The following MUC5B variants were observed in gnomAD, a reference collection of about 807,000 sequenced individuals.
The protein encoded by MUC5B is mucin 5B, oligomeric mucus/gel-forming.
A neutral mutation model predicts 376.9 loss-of-function variants in MUC5B; 116 were observed. The observed-to-expected ratio is 0.31, with a 90% CI of 0.26 to 0.36. The LOEUF (loss-of-function observed/expected upper bound fraction) is 0.36, where lower values mean the gene tolerates loss of function less well. Among genes scored for constraint, MUC5B ranks in the 10% least tolerant of loss-of-function variants. MUC5B has a pLI of 1.00. For synonymous variants in MUC5B, 3,517 were observed against 3,390.9 expected (o/e 1.04, Z -1.29); for missense variants, 7,165 against 7,769.9 (o/e 0.92, Z 2.93).
chr11:1,237,198 G>A, intron 25 of MUC5B, 34 bp downstream of exon 25: 1 of 1,376,184 alleles, frequency 7.3e-7, no homozygotes, highest in South Asian at 1.9e-5. Flanking sequence ...AGGGTCTGGT[G>A]GGGATGGCAG....
rs775393709 is a variant in MUC5B, at chr11:1,234,220, T to C, written c.2393T>C (p.Met798Thr). ...CTGTCCCCAGGGTGTGCAGCCCCCA[T>C]GGTGTACCTGGACTGCAGCAACAGC... ...LQKSTGCAAP[M>T]VYLDCSNSSA... The change falls in exon 20 of 49, where the codon ATG becomes ACG. Residue 798 changes from methionine (M) to threonine (T), a missense_variant. This residue lies in a region of MUC5B where 530 missense variants were observed against 604.0 expected (regional missense o/e 0.88). Coordinates refer to ENST00000529681, the MANE Select transcript of MUC5B (RefSeq NM_002458.3). The surrounding 1 kb of genome is among the most constrained non-coding windows in gnomAD (Gnocchi z 6.3). 1 of 1,604,498 alleles carries C rather than the reference T, an allele frequency of 6.2e-7. No individual in the cohort carries two copies. Among genetic ancestry groups the C allele is most frequent in the East Asian group, 2.2e-5 (1 of 44,710 alleles).
chr11:1,234,812 G>T lies in MUC5B; in HGVS notation c.2630+132G>T. On this transcript the variant is annotated intron_variant, in intron 21 of 48. Transcript: ENST00000529681. The surrounding 1 kb of genome is among the most constrained non-coding windows in gnomAD (Gnocchi z 6.3). ...GGCCAGCTGGCCAGGGTGAGGTGGG[G>T]CCGTGGCAGGAGAGAGAGTTGCTAG... 1.7e-6 allele frequency: 2 copies of T among 1,145,748 alleles called. No individual in the cohort carries two copies. The highest frequency in any genetic ancestry group is 2.6e-5 in the East Asian group (1 of 38,404). The allele number at this position is 1,145,748 out of a possible 1,614,324, so 71.0% of individuals were successfully genotyped here.
Position 1,261,706 on chromosome 11 carries a change from G to A in MUC5B, c.*98G>A. The A allele has an allele frequency of 8.1e-7, 1 of 1,237,584 alleles. No homozygotes were observed. The highest frequency in any genetic ancestry group is 1.1e-6 in the Non-Finnish European group (1 of 873,006). 76.7% of individuals were successfully genotyped at this position (1,237,584 alleles called of 1,614,324 possible). On this transcript the variant is annotated 3_prime_UTR_variant, in exon 49 of 49. Transcript: ENST00000529681. Reference sequence around the variant, plus strand: ...TGGGCCTCCTCTGCGGAGCCCCCCGGCCTGTGTGTGGCACCCCGCGCTCCG... The same window carrying A: ...TGGGCCTCCTCTGCGGAGCCCCCCGACCTGTGTGTGGCACCCCGCGCTCCG...
At position 1,225,753 on chromosome 11, in the gene MUC5B, C is replaced by T. The variant is rs373802855; in HGVS notation, c.127+16C>T. The stretch of plus-strand genomic sequence containing the variant: ...ATGGATGGCGGTATGTGGCCAGGTT[C>T]GGGGGTGGGGGGTTCCTGACCAGGC... On this transcript the variant is annotated intron_variant, in intron 2 of 48. Transcript: ENST00000529681. 1,787 of 1,596,840 alleles carry T rather than the reference C, an allele frequency of 1.1e-3. 5 individuals carry two copies. Among genetic ancestry groups the T allele is most frequent in the Non-Finnish European group, 1.3e-3 (1,578 of 1,171,812 alleles).
At position 1,252,813 on chromosome 11, in the gene MUC5B, A is replaced by G; in HGVS notation, c.15050A>G (p.Asn5017Ser). 1 of 1,607,044 alleles carries G rather than the reference A, an allele frequency of 6.2e-7. No individual in the cohort carries two copies. The highest frequency in any genetic ancestry group is 8.5e-7 in the Non-Finnish European group (1 of 1,177,444). Residue 5017 changes from asparagine (N) to serine (S), a missense_variant, in exon 33 of 49, where the codon AAT becomes AGT. Asn to Ser is a conservative substitution (Grantham distance 46). This residue lies in a region of MUC5B where 842 missense variants were observed against 1,016.9 expected (regional missense o/e 0.83). Transcript: ENST00000529681. ...CGTGCATGTTCCCTGCCCCAGGTGA[A>G]TGAGACCTGGACCCTGGAGAACTGC... ...CDNAIPLRQV[N>S]ETWTLENCTV...
chr11:1,262,135 C>T lies in MUC5B; in HGVS notation c.*527C>T. ...CATCCCAAAGCCCCCTCTGCTCAAC[C>T]CAGCCCAGTTTTGCAAATAAACCCT... On this transcript the variant is annotated 3_prime_UTR_variant, in exon 49 of 49. Coordinates refer to ENST00000529681, the MANE Select transcript of MUC5B (RefSeq NM_002458.3). The T allele has an allele frequency of 2.0e-6, 1 of 501,078 alleles. No individual in the cohort carries two copies. The highest frequency in any genetic ancestry group is 1.5e-5 in the South Asian group (1 of 68,820). 31.0% of individuals were successfully genotyped at this position (501,078 alleles called of 1,614,324 possible). A position where few individuals can be genotyped will look rare whatever the true frequency, so the allele number is the denominator to read the frequency against.
At position 1,258,415 on chromosome 11, in the gene MUC5B, G is replaced by A; in HGVS notation, c.16593+48G>A. 2 of 1,602,790 alleles carry A rather than the reference G, an allele frequency of 1.2e-6. No homozygotes were observed. Among genetic ancestry groups the A allele is most frequent in the African/African-American group, 1.3e-5 (1 of 74,828 alleles). On this transcript the variant is annotated intron_variant, in intron 43 of 48. Coordinates refer to ENST00000529681, the MANE Select transcript of MUC5B (RefSeq NM_002458.3). The surrounding 1 kb of genome is among the most constrained non-coding windows in gnomAD (Gnocchi z 5.5). ...GTGTGGCCCTGGGGCCTGAACATGT[G>A]TGTGGGATGCCCCGGGGCTCTCTGA...
In MUC5B at chr11:1,242,008, C is replaced by A. The variant is rs371074019; in HGVS notation, c.5128C>A (p.Arg1710Ser). The change falls in exon 31 of 49, where the codon CGC becomes AGC. Residue 1710 changes from arginine (R) to serine (S), a missense_variant. This residue lies in a region of MUC5B where 897 missense variants were observed against 779.6 expected (regional missense o/e 1.15). Coordinates refer to ENST00000529681, the MANE Select transcript of MUC5B (RefSeq NM_002458.3). Reference protein sequence around the residue: ...PGTTGSLGTWRPSQPPTLAPT... With the variant: ...PGTTGSLGTWSPSQPPTLAPT... ...GACGACGGGGAGCTTGGGCACATGG[C>A]GCCCCTCACAGCCACCCACGCTGGC... 1.3e-6 allele frequency: 2 copies of A among 1,586,570 alleles called. No homozygotes were observed. Among genetic ancestry groups the A allele is most frequent in the Non-Finnish European group, 1.7e-6 (2 of 1,167,320 alleles).
In MUC5B at chr11:1,257,801, G is replaced by A. The variant is rs1264363673; in HGVS notation, c.16450+91G>A. The A allele has an allele frequency of 5.7e-6, 8 of 1,409,140 alleles. No individual in the cohort carries two copies. The highest frequency in any genetic ancestry group is 6.6e-6 in the Non-Finnish European group (7 of 1,057,404). The allele number at this position is 1,409,140 out of a possible 1,614,324, so 87.3% of individuals were successfully genotyped here. On this transcript the variant is annotated intron_variant, in intron 41 of 48. Transcript: ENST00000529681. This position sits in a 1 kb window ranked among gnomAD's most constrained non-coding sequence, Gnocchi z 8.9. ...GGGCCTGTGGGTTGGGCACAGGAGA[G>A]CAGAGGAGAGCCACTGTGTCCTGGC...
chr11:1,249,135 C>T lies in MUC5B; in HGVS notation c.12255C>T (p.Thr4085=). 6.2e-7 allele frequency: 1 copy of T among 1,611,350 alleles called. No individual in the cohort carries two copies. The highest frequency in any genetic ancestry group is 1.1e-5 in the South Asian group (1 of 90,956). ...AGTCACCCCCTTCCCCAGGGACGACCACCCCGGGCCACACCACGGCCACCT... is the reference window on the plus strand; with the variant it reads ...AGTCACCCCCTTCCCCAGGGACGACTACCCCGGGCCACACCACGGCCACCT... The part of the protein sequence containing the change: ...TTESPPSPGT[T]TPGHTTATSR... Residue 4085 remains threonine (T), a synonymous_variant, in exon 31 of 49, where the codon ACC becomes ACT. Coordinates refer to ENST00000529681, the MANE Select transcript of MUC5B (RefSeq NM_002458.3).
Position 1,248,796 on chromosome 11 carries a change from C to T in MUC5B, c.11916C>T (p.Ile3972=), listed in dbSNP as rs1398843479. 3 of 1,548,946 alleles carry T rather than the reference C, an allele frequency of 1.9e-6. No homozygotes were observed. The highest frequency in any genetic ancestry group is 1.2e-5 in the South Asian group (1 of 84,004). Residue 3972 remains isoleucine, a synonymous_variant, in exon 31 of 49, where the codon ATC becomes ATT. Coordinates refer to ENST00000529681, the MANE Select transcript of MUC5B (RefSeq NM_002458.3). Reference sequence around the variant, plus strand: ...CCTCAACTCCAGGGACAACACCTATCCCCCCAGTGCTGACCACCACCGCCA... The same window carrying T: ...CCTCAACTCCAGGGACAACACCTATTCCCCCAGTGCTGACCACCACCGCCA... ...NPSSTPGTTP[I]PPVLTTTATT... is the part of the protein sequence containing the mutation.
chr11:1,226,174 C>T (rs55990534), intron 2 of MUC5B, 31 bp from the exon 3 acceptor site: 44,603 of 1,528,898 alleles, frequency 0.029, 838 homozygotes, highest in Non-Finnish European at 0.033. Flanking sequence ...TTCCTGGCCA[C>T]GTTCCTGGGG....
chr11:1,224,705 C>A (rs977974429), intron 1 of MUC5B, among the ~76,000 whole-genome samples: 4 of 152,076 alleles, frequency 2.6e-5, no homozygotes, highest in African/African-American at 7.2e-5. Flanking sequence ...GATCGGCTGG[C>A]TTTCTGGGAA....
Position 1,231,534 on chromosome 11 carries a change from A to G in MUC5B, c.1652A>G (p.Asp551Gly). Residue 551 changes from aspartate (D) to glycine (G), a missense_variant, in exon 14 of 49, where the codon GAC (aspartate) becomes GGC (glycine). Coordinates refer to ENST00000529681, the MANE Select transcript of MUC5B (RefSeq NM_002458.3). ...CTCATGCAGGTGTTTGTCAGGCTGG[A>G]CCCCGCCCACCAGGGCCAGATGTGC... ...VPLMQVFVRLDPAHQGQMCGL... is the reference protein window; with the variant it reads ...VPLMQVFVRLGPAHQGQMCGL... The G allele has an allele frequency of 6.3e-7, 1 of 1,586,852 alleles. No homozygotes were observed. The highest frequency in any genetic ancestry group is 8.6e-7 in the Non-Finnish European group (1 of 1,168,572).
At chr11:1,230,691 C>T (rs1160732273) in intron 12 of MUC5B, 91 bp downstream of exon 12, 28 of 1,218,870 alleles carry the variant, frequency 2.3e-5, no homozygotes, top group Middle Eastern at 4.9e-4. Flanking sequence ...CCTCCAGCCC[C>T]GAGGCCAGGT....
chr11:1,235,643 G>A lies in MUC5B; in HGVS notation c.2880+230G>A, dbSNP rs1862140503. Reference sequence around the variant, plus strand: ...GGGCAGGGCCACACTCCCTGTCGAGGGTCTGGGGAGGTCCTTCCTGCCTCT... The same window carrying A: ...GGGCAGGGCCACACTCCCTGTCGAGAGTCTGGGGAGGTCCTTCCTGCCTCT... On this transcript the variant is annotated intron_variant, in intron 23 of 48. Transcript: ENST00000529681. 3.9e-5 allele frequency among the ~76,000 whole-genome samples: 6 copies of A among 152,280 alleles called. No homozygotes were observed. In the South Asian group the frequency reaches 1.0e-3, roughly 26 times the overall value.
chr11:1,229,889 G>A, intron 10 of MUC5B, 82 bp downstream of exon 10: 3 of 1,545,706 alleles, frequency 1.9e-6, no homozygotes, highest in Non-Finnish European at 1.7e-6. Flanking sequence ...TCTGCCTGGG[G>A]TGGGGGTGTG....
Position 1,227,295 on chromosome 11 carries a change from TCC to T in MUC5B, c.577-10_577-9del. On this transcript the variant is annotated splice_polypyrimidine_tract_variant and intron_variant, in intron 5 of 48. Coordinates refer to ENST00000529681, the MANE Select transcript of MUC5B (RefSeq NM_002458.3). ...GAGGTCCTGAGGCTGGAGCTGCCCC[TCC>T]CCACTCTCAGCTGGAGCTGGATCCC... 6.2e-7 allele frequency: 1 copy of T among 1,609,460 alleles called. No individual in the cohort carries two copies. Among genetic ancestry groups the T allele is most frequent in the Non-Finnish European group, 8.5e-7 (1 of 1,177,182 alleles).
chr11:1,238,880 A>T lies in MUC5B; in HGVS notation c.3307A>T (p.Thr1103Ser), dbSNP rs772885449. ...FAACRSQVDS[T>S]KYYEACVNDA... is the part of the protein sequence containing the mutation. ...TTGGCCTCACCCGCAGGTTGACTCC[A>T]CCAAGTACTACGAGGCCTGCGTGAA... is the stretch of plus-strand genomic sequence containing the variant. Residue 1103 changes from threonine (T) to serine (S), a missense_variant, in exon 26 of 49, where the codon ACC (threonine) becomes TCC (serine). Transcript: ENST00000529681. 8.3e-6 allele frequency: 13 copies of T among 1,557,534 alleles called. No homozygotes were observed. In the South Asian group the frequency reaches 1.4e-4, roughly 17 times the overall value.
Sources: allele counts gnomAD v4.1 joint callset (sites outside exome capture counted in the v4.1 genomes callset), GRCh38; gene constraint gnomAD v4.1.1; regional missense constraint gnomAD v4.1.1; non-coding constraint Gnocchi (gnomAD v3.1); transcripts MANE v1.5; gene names NCBI Gene and HGNC (gene_info 2026-07-23, HGNC 2026-07-21).